The following CNTNAP2 variants were observed in gnomAD, a reference collection of about 807,000 sequenced individuals.
CNTNAP2 encodes the protein contactin-associated protein-like 2.
Under a neutral mutation model 155.2 loss-of-function variants are expected in CNTNAP2, and 98 were observed. The ratio of observed to expected loss-of-function variants is 0.63; its 90% CI spans 0.54 to 0.75. The LOEUF is 0.75. Among genes scored for constraint, CNTNAP2 ranks in the 30% least tolerant of loss-of-function variants. CNTNAP2 has a pLI of 0.00. For missense variants in CNTNAP2, 1,727 were observed against 1,688.1 expected (o/e 1.02, Z -0.40); for synonymous variants, 651 against 631.2 (o/e 1.03, Z -0.47).
chr7:148,382,520 G>T (rs1799088881), intron 21 of CNTNAP2, among the ~76,000 whole-genome samples: 2 of 152,164 alleles, frequency 1.3e-5, no homozygotes, highest in South Asian at 4.1e-4. Context: ...TCTAAAAGAG[G>T]AGACAAAACT....
chr7:146,984,198 T>A (rs1353625675), intron 3 of CNTNAP2, among the ~76,000 whole-genome samples: 2 of 151,782 alleles, frequency 1.3e-5, no homozygotes, highest in East Asian at 3.9e-4. Context: ...AGAAACCCCA[T>A]CTCTACTAAA....
chr7:148,353,987 A>T (rs1302642381), intron 21 of CNTNAP2, among the ~76,000 whole-genome samples: 1 of 152,198 alleles, frequency 6.6e-6, no homozygotes, highest in East Asian at 1.9e-4. Flanking sequence ...AACGTTTCCT[A>T]TACTGGGACT....
chr7:148,117,430 G>A (rs951890863), intron 15 of CNTNAP2, among the ~76,000 whole-genome samples: 15 of 152,166 alleles, frequency 9.9e-5, no homozygotes, highest in East Asian at 5.8e-4. Flanking sequence ...CCTCGTTCCC[G>A]GCTCCTCACC....
chr7:146,702,487 T>C (rs1585048876), intron 1 of CNTNAP2, among the ~76,000 whole-genome samples: 1 of 152,114 alleles, frequency 6.6e-6, no homozygotes, highest in East Asian at 1.9e-4. Flanking sequence ...ATCGAACATT[T>C]TGTGATGGTG....
chr7:147,501,639 G>C (rs920378442), intron 11 of CNTNAP2, among the ~76,000 whole-genome samples: 1 of 152,214 alleles, frequency 6.6e-6, no homozygotes, highest in South Asian at 2.1e-4. Context: ...CTTTCTATTA[G>C]ATGATTTTGC....
At chr7:148,218,152 G>T (rs1328128943) in intron 19 of CNTNAP2, among the ~76,000 whole-genome samples, 1 of 152,178 alleles carries the variant, frequency 6.6e-6, no homozygotes, top group African/African-American at 2.4e-5. Flanking sequence ...TAATAAGAAA[G>T]ACTAATAAAA....
chr7:146,257,049 T>G (rs1799850158), intron 1 of CNTNAP2, among the ~76,000 whole-genome samples: 1 of 152,234 alleles, frequency 6.6e-6, no homozygotes, highest in African/African-American at 2.4e-5. Context: ...GTAGGTTCAT[T>G]CAAGTTACCA....
intron 21 of CNTNAP2, among the ~76,000 whole-genome samples, chr7:148,372,808 ATAT>A (rs1798913274): frequency 6.6e-6 from 1 of 152,158 alleles, no homozygotes. Flanking sequence ...TCACTTTTTC[ATAT>A]TTTTGTCTAA....
At chr7:146,670,834 C>T (rs570414049) in intron 1 of CNTNAP2, among the ~76,000 whole-genome samples, 232 of 152,284 alleles carry the variant, frequency 1.5e-3, no homozygotes, top group Non-Finnish European at 2.9e-3. Flanking sequence ...GCAACTGAGG[C>T]TTTGCTCCGC....
chr7:146,484,886 A>G (rs1027075605), intron 1 of CNTNAP2, among the ~76,000 whole-genome samples: 7 of 152,166 alleles, frequency 4.6e-5, no homozygotes, highest in Non-Finnish European at 8.8e-5. Flanking sequence ...TTTTTAAAAT[A>G]TAGTTATTTT....
At chr7:146,308,790 A>G (rs1222861023) in intron 1 of CNTNAP2, among the ~76,000 whole-genome samples, 2 of 152,026 alleles carry the variant, frequency 1.3e-5, no homozygotes, top group African/African-American at 4.8e-5. Context: ...AAACACTTGG[A>G]CACACGGCGG....
intron 1 of CNTNAP2, among the ~76,000 whole-genome samples, chr7:146,701,071 G>A (rs541838386): frequency 6.6e-6 from 1 of 152,000 alleles, no homozygotes; most frequent in South Asian, 2.1e-4. Context: ...ATCAAACAAG[G>A]ATGATTTTTC....
intron 1 of CNTNAP2, among the ~76,000 whole-genome samples, chr7:146,414,039 T>C (rs1442971642): frequency 6.6e-6 from 1 of 152,200 alleles, no homozygotes; most frequent in Non-Finnish European, 1.5e-5. Context: ...AAGCTGGACA[T>C]GTGAACTATG....
Position 148,317,924 on chromosome 7 carries a change from G to A in CNTNAP2, c.3475+50798G>A, listed in dbSNP as rs78409754. 1.7e-3 allele frequency among the ~76,000 whole-genome samples: 254 copies of A among 152,054 alleles called. 1 individual carries two copies. Among genetic ancestry groups the A allele is most frequent in the East Asian group, 0.011 (58 of 5,150 alleles). The stretch of plus-strand genomic sequence containing the variant: ...TCTCAATCTCCTGACCTCGTGATCC[G>A]CCTAACTCGGCCTCCCAAAGTGCTG... On this transcript the variant is annotated intron_variant, in intron 21 of 23. Coordinates refer to ENST00000361727, the MANE Select transcript of CNTNAP2 (RefSeq NM_014141.6).
chr7:148,340,753 G>C (rs546536732), intron 21 of CNTNAP2, among the ~76,000 whole-genome samples: 5 of 152,324 alleles, frequency 3.3e-5, no homozygotes, highest in African/African-American at 4.8e-5. Context: ...TTAGGAAAGC[G>C]TGGATTCTTT....
intron 21 of CNTNAP2, among the ~76,000 whole-genome samples, chr7:148,323,917 A>C (rs184366910): frequency 2.1e-3 from 250 of 118,694 alleles, no homozygotes; most frequent in African/African-American, 7.9e-3. Context: ...ACGGAGTTTC[A>C]CTCTTGCCCA....
At chr7:148,070,935 C>T (rs1450787065) in intron 15 of CNTNAP2, among the ~76,000 whole-genome samples, 1 of 152,140 alleles carries the variant, frequency 6.6e-6, no homozygotes, top group African/African-American at 2.4e-5. Context: ...CTCCAATGTA[C>T]TAAAACTAAT....
chr7:146,679,131 GTTA>G (rs1800455284), intron 1 of CNTNAP2, among the ~76,000 whole-genome samples: 1 of 152,044 alleles, frequency 6.6e-6, no homozygotes, highest in South Asian at 2.1e-4. Flanking sequence ...GTACCCATTA[GTTA>G]TTATTTCTGA....
chr7:147,862,303 T>G (rs543610048), intron 13 of CNTNAP2, among the ~76,000 whole-genome samples: 1 of 152,290 alleles, frequency 6.6e-6, no homozygotes, highest in South Asian at 2.1e-4. Flanking sequence ...TCACTAGTCA[T>G]TTGCATCAAT....
Sources: allele counts gnomAD v4.1 joint callset (sites outside exome capture counted in the v4.1 genomes callset), GRCh38; gene constraint gnomAD v4.1.1; transcripts MANE v1.5; gene names NCBI Gene and HGNC (gene_info 2026-07-23, HGNC 2026-07-21).